OOSP1: variants seen among roughly 807,000 people sequenced by gnomAD.
OOSP1 encodes the protein oocyte secreted protein 1.
OOSP1 carries 11 observed loss-of-function variants against 5.7 expected under a neutral mutation model. That is an observed-to-expected ratio of 1.94 (90% confidence interval 1.22 to 3.20). The LOEUF (loss-of-function observed/expected upper bound fraction) is 3.20, where lower values mean the gene tolerates loss of function less well. Among genes scored for constraint, OOSP1 ranks in the 30% most tolerant of loss-of-function variants. The pLI is 0.00. For missense variants in OOSP1, 83 were observed against 54.1 expected (o/e 1.53, Z -1.67); for synonymous variants, 44 against 20.0 (o/e 2.20, Z -3.20).
chr11:59,957,057 T>G, intron 4 of OOSP1, 138 bp from the exon 5 acceptor site: 1 of 385,002 alleles, frequency 2.6e-6, no homozygotes, highest in Non-Finnish European at 4.6e-6. Flanking sequence ...CATCTAATTT[T>G]AAAAACAAAT....
chr11:59,940,515 G>C (rs1171712763), intron 1 of OOSP1, among the ~76,000 whole-genome samples: 1 of 152,084 alleles, frequency 6.6e-6, no homozygotes, highest in East Asian at 1.9e-4. Context: ...CAGCTTTTTT[G>C]TTGTCCATCA....
intron 4 of OOSP1, among the ~76,000 whole-genome samples, chr11:59,949,833 G>A (rs1047816484): frequency 1.3e-4 from 20 of 152,172 alleles, no homozygotes; most frequent in African/African-American, 4.6e-4. Flanking sequence ...AGAAGGATTA[G>A]GTAGTGATGA....
chr11:59,956,764 C>T (rs1461943465), intron 4 of OOSP1, among the ~76,000 whole-genome samples: 4 of 152,136 alleles, frequency 2.6e-5, no homozygotes, highest in African/African-American at 9.7e-5. Flanking sequence ...CCTTTGCGTC[C>T]TCATAGCTCA....
intron 4 of OOSP1, among the ~76,000 whole-genome samples, chr11:59,952,647 G>T (rs921729035): frequency 6.6e-6 from 1 of 152,104 alleles, no homozygotes; most frequent in Non-Finnish European, 1.5e-5. Flanking sequence ...GGGGGAAGTT[G>T]GGAGGGGTGC....
At chr11:59,950,790 T>C (rs765653309) in intron 4 of OOSP1, among the ~76,000 whole-genome samples, 7 of 152,088 alleles carry the variant, frequency 4.6e-5, no homozygotes, top group African/African-American at 1.2e-4. Context: ...TGGCTTTTTC[T>C]AGGAGTACGG....
chr11:59,947,947 C>T (rs553473254), intron 4 of OOSP1, 85 bp downstream of exon 4: 1 of 396,560 alleles, frequency 2.5e-6, no homozygotes, highest in Admixed American at 4.4e-5. Context: ...AAGGAAATGG[C>T]ACACATTTGT....
chr11:59,947,643 G>A (rs1187440799), intron 3 of OOSP1, 90 bp from the exon 4 acceptor site: 1 of 395,498 alleles, frequency 2.5e-6, no homozygotes, highest in African/African-American at 2.1e-5. Context: ...CTAATAACAG[G>A]AATTTGGCCC....
chr11:59,949,546 GTGTT>G (rs1853919300), intron 4 of OOSP1, among the ~76,000 whole-genome samples: 1 of 152,052 alleles, frequency 6.6e-6, no homozygotes, highest in Non-Finnish European at 1.5e-5. Context: ...AAGTCACTGA[GTGTT>G]TGCAGAACAA....
At chr11:59,942,191 AC>A (rs1853835278) in intron 1 of OOSP1, among the ~76,000 whole-genome samples, 2 of 152,156 alleles carry the variant, frequency 1.3e-5, no homozygotes, top group Non-Finnish European at 2.9e-5. Context: ...ACTCATGCCT[AC>A]CCAGTCTCAT....
In OOSP1 at chr11:59,945,750, C is replaced by CAAAA. The variant is rs67604320; in HGVS notation, c.356+508_356+511dup. On this transcript the variant is annotated intron_variant, in intron 3 of 4. Coordinates refer to ENST00000646685, the Ensembl canonical transcript of OOSP1. Reference sequence around the variant, plus strand: ...TGGGTGACAGAGCGAGACTCTGTCTCAAAAAAAAAAAAAAAAAAAAAAAAA... The same window carrying CAAAA: ...TGGGTGACAGAGCGAGACTCTGTCTCAAAAAAAAAAAAAAAAAAAAAAAAAAAAA... Among the ~76,000 whole-genome samples, 54 of 45,844 alleles carry CAAAA rather than the reference C, an allele frequency of 1.2e-3. 4 individuals are homozygous for CAAAA. The highest frequency in any genetic ancestry group is 4.7e-3 in the African/African-American group (48 of 10,230). The allele number at this position is 45,844 out of a possible 152,430, so 30.1% of individuals were successfully genotyped here. A position where few individuals can be genotyped will look rare whatever the true frequency, so the allele number is the denominator to read the frequency against.
At chr11:59,949,563 C>G (rs1048252733) in intron 4 of OOSP1, among the ~76,000 whole-genome samples, 2 of 151,898 alleles carry the variant, frequency 1.3e-5, no homozygotes, top group African/African-American at 4.8e-5. Flanking sequence ...CAGAACAAGG[C>G]CAGCATGATT....
At chr11:59,938,790 A>G (rs908608783) in intron 1 of OOSP1, among the ~76,000 whole-genome samples, 3 of 152,122 alleles carry the variant, frequency 2.0e-5, no homozygotes, top group African/African-American at 4.8e-5. Context: ...GACCATATCA[A>G]TTCTTGGGGA....
At chr11:59,955,342 G>A (rs56982794) in intron 4 of OOSP1, among the ~76,000 whole-genome samples, 9,047 of 151,192 alleles carry the variant, frequency 0.06, 852 homozygotes, top group African/African-American at 0.2. Context: ...TATCTTTATG[G>A]TTTTTTTTGT....
chr11:59,956,372 C>T (rs1215078801), intron 4 of OOSP1, among the ~76,000 whole-genome samples: 2 of 152,022 alleles, frequency 1.3e-5, no homozygotes, highest in African/African-American at 2.4e-5. Flanking sequence ...CCCTTGTTTC[C>T]CTCCCATCTT....
intron 4 of OOSP1, among the ~76,000 whole-genome samples, chr11:59,956,538 A>G (rs1016471590): frequency 2.0e-5 from 3 of 152,084 alleles, no homozygotes; most frequent in Admixed American, 6.6e-5. Context: ...CTCTTGTTCT[A>G]TAACCCCATT....
chr11:59,952,697 C>T (rs1027248364), intron 4 of OOSP1, among the ~76,000 whole-genome samples: 4 of 152,094 alleles, frequency 2.6e-5, no homozygotes, highest in African/African-American at 9.7e-5. Flanking sequence ...ATGTACACTA[C>T]TTGGTCCTGG....
At chr11:59,943,347 T>C (rs1033343307) in intron 2 of OOSP1, among the ~76,000 whole-genome samples, 1 of 151,778 alleles carries the variant, frequency 6.6e-6, no homozygotes, top group Non-Finnish European at 1.5e-5. Flanking sequence ...ACCCTAAAAC[T>C]TAAAGTATAA....
intron 4 of OOSP1, among the ~76,000 whole-genome samples, chr11:59,954,072 T>C (rs1272112731): frequency 6.6e-6 from 1 of 152,214 alleles, no homozygotes; most frequent in Non-Finnish European, 1.5e-5. Context: ...AACAGCATGT[T>C]ACTGTGCTGG....
At chr11:59,949,965 A>C (rs765561286) in intron 4 of OOSP1, among the ~76,000 whole-genome samples, 18 of 152,208 alleles carry the variant, frequency 1.2e-4, no homozygotes, top group Non-Finnish European at 2.1e-4. Context: ...AGACCCAGGG[A>C]TGCTGCTGAA....
Sources: gnomAD v4.1 joint callset for allele counts (sites outside exome capture counted in the v4.1 genomes callset) on GRCh38, gnomAD v4.1.1 for gene constraint, MANE v1.5 for transcripts, NCBI Gene and HGNC (gene_info 2026-07-23, HGNC 2026-07-21) for gene names.